PDE4D: variants seen among roughly 807,000 people sequenced by gnomAD.
PDE4D encodes phosphodiesterase 4D.
A neutral mutation model predicts 87.4 loss-of-function variants in PDE4D; 24 were observed. The ratio of observed to expected loss-of-function variants is 0.27; its 90% CI spans 0.20 to 0.39. The LOEUF (loss-of-function observed/expected upper bound fraction) is 0.39. Ranked by LOEUF, PDE4D falls within the 10% of genes least tolerant of loss-of-function variation. PDE4D has a pLI of 1.00. For synonymous variants in PDE4D, 384 were observed against 383.2 expected, an observed-to-expected ratio of 1.00 and a Z score of -0.02; for missense variants, 714 against 1,041.0, an observed-to-expected ratio of 0.69 and a Z score of 4.32.
chr5:60,336,900 G>T (rs1008703355), intron 1 of PDE4D, among the ~76,000 whole-genome samples: 1 of 152,074 alleles, frequency 6.6e-6, no homozygotes, highest in Non-Finnish European at 1.5e-5. Context: ...ATAAATACAT[G>T]TTATTTTAAT....
Position 60,041,971 on chromosome 5 carries a change from T to C in PDE4D, c.43-53254A>G, listed in dbSNP as rs553610063. Among the ~76,000 whole-genome samples, 178 of 151,230 alleles carry C rather than the reference T, an allele frequency of 1.2e-3. 1 individual carries two copies. The highest frequency in any genetic ancestry group is 4.1e-3 in the African/African-American group (170 of 41,110). On this transcript the variant is annotated intron_variant, in intron 2 of 16. Transcript: ENST00000502484. ...AGTGAGACAGAACCATTCACAACTG[T>C]GGAAAGGGGGCTGAAACCAAGGAGC...
chr5:60,087,997 C>G (rs984215654), intron 2 of PDE4D, among the ~76,000 whole-genome samples: 2 of 151,964 alleles, frequency 1.3e-5, no homozygotes, highest in African/African-American at 2.4e-5. Flanking sequence ...ATACTTTAAG[C>G]AGCAAGAGAA....
At chr5:59,668,672 C>T (rs1388528623) in intron 1 of PDE4D, among the ~76,000 whole-genome samples, 2 of 150,900 alleles carry the variant, frequency 1.3e-5, no homozygotes, top group Admixed American at 1.3e-4. Context: ...TGCACCACTG[C>T]ACTCCAGCCT....
upstream of PDE4D, chr5:60,488,404 C>G (rs1304509949): frequency 3.3e-5 from 5 of 151,832 alleles, no homozygotes; most frequent in Non-Finnish European, 7.4e-5. Flanking sequence ...AAAGGGCAGG[C>G]ACGGCAGCAA....
At chr5:60,279,908 C>T (rs112970543) in intron 1 of PDE4D, among the ~76,000 whole-genome samples, 4,984 of 152,002 alleles carry the variant, frequency 0.033, 126 homozygotes, top group Middle Eastern at 0.086. Flanking sequence ...TCTTGAACTC[C>T]TGACCTGATG....
chr5:59,220,618 G>A (rs1454762014), intron 1 of PDE4D, among the ~76,000 whole-genome samples: 1 of 151,998 alleles, frequency 6.6e-6, no homozygotes, highest in African/African-American at 2.4e-5. Flanking sequence ...TTAACTTTCT[G>A]AAAGTTAGCC....
chr5:59,692,724 C>A (rs1254090723), intron 1 of PDE4D, among the ~76,000 whole-genome samples: 1 of 152,086 alleles, frequency 6.6e-6, no homozygotes, highest in Non-Finnish European at 1.5e-5. Context: ...AAATGCATCG[C>A]TTTAGCTTGT....
At chr5:59,922,244 G>C (rs1754754280) in intron 3 of PDE4D, among the ~76,000 whole-genome samples, 1 of 152,172 alleles carries the variant, frequency 6.6e-6, no homozygotes, top group South Asian at 2.1e-4. Flanking sequence ...AGTGTTCTGG[G>C]GTACTAAATA....
chr5:59,693,478 A>T (rs1751294356), intron 1 of PDE4D, among the ~76,000 whole-genome samples: 1 of 152,186 alleles, frequency 6.6e-6, no homozygotes, highest in Non-Finnish European at 1.5e-5. Context: ...TTGTTTCAAG[A>T]TCAAACTGGA....
intron 1 of PDE4D, among the ~76,000 whole-genome samples, chr5:59,359,601 GA>G (rs1324686309): frequency 6.6e-6 from 1 of 151,886 alleles, no homozygotes; most frequent in African/African-American, 2.4e-5. Flanking sequence ...TAGACATTTG[GA>G]AAAAATAAGA....
At chr5:59,120,785 C>T (rs921378059) in intron 5 of PDE4D, among the ~76,000 whole-genome samples, 2 of 151,944 alleles carry the variant, frequency 1.3e-5, no homozygotes, top group South Asian at 2.1e-4. Context: ...TATGTTACAA[C>T]GCTATAGTAA....
rs1251200496 is a variant in PDE4D at position 59,397,870 on chromosome 5, T to C, written c.456-181902A>G. On this transcript the variant is annotated intron_variant, in intron 1 of 14. Transcript: ENST00000340635. ...AAGAAAAAAAGAGAGAAGAATCAAA[T>C]AGATGCAATAAAAAATGATAAAGGG... 1.6e-4 allele frequency among the ~76,000 whole-genome samples: 20 copies of C among 122,248 alleles called. 2 individuals carry two copies. Among genetic ancestry groups the C allele is most frequent in the African/African-American group, 6.6e-4 (20 of 30,462 alleles). 80.2% of individuals were successfully genotyped at this position (122,248 alleles called of 152,430 possible). A position where few individuals can be genotyped will look rare whatever the true frequency, so the allele number is the denominator to read the frequency against.
At chr5:60,496,075 C>T (rs912432302) in intron 1 of PDE4D, among the ~76,000 whole-genome samples, 1 of 152,142 alleles carries the variant, frequency 6.6e-6, no homozygotes, top group Non-Finnish European at 1.5e-5. Flanking sequence ...TGAGTCTTGG[C>T]TATTTCCTTT....
chr5:59,212,642 G>A (rs1750335996), intron 2 of PDE4D, among the ~76,000 whole-genome samples: 1 of 151,918 alleles, frequency 6.6e-6, no homozygotes, highest in South Asian at 2.1e-4. Context: ...ACTAACTGGA[G>A]TAGAATGTAT....
intron 1 of PDE4D, among the ~76,000 whole-genome samples, chr5:59,659,658 C>A (rs563327234): frequency 6.6e-6 from 1 of 152,242 alleles, no homozygotes; most frequent in Non-Finnish European, 1.5e-5. Context: ...TGTCCAGCTA[C>A]AGTAACATCT....
At chr5:60,494,438 T>C (rs1749703191) in intron 1 of PDE4D, among the ~76,000 whole-genome samples, 2 of 152,194 alleles carry the variant, frequency 1.3e-5, no homozygotes, top group African/African-American at 4.8e-5. Context: ...TATTCAGCAC[T>C]GGACATTCAC....
At chr5:59,822,355 T>C (rs549513981) in intron 1 of PDE4D, among the ~76,000 whole-genome samples, 5 of 152,348 alleles carry the variant, frequency 3.3e-5, no homozygotes, top group African/African-American at 1.2e-4. Flanking sequence ...TTGTTTTCTA[T>C]ATACTTTTCA....
chr5:59,232,699 T>G (rs947007615), intron 1 of PDE4D, among the ~76,000 whole-genome samples: 3 of 152,164 alleles, frequency 2.0e-5, no homozygotes, highest in Non-Finnish European at 2.9e-5. Flanking sequence ...AAAGGAAATC[T>G]GTATATCAAA....
chr5:59,439,357 CAAAAAA>C (rs3061710), intron 1 of PDE4D, among the ~76,000 whole-genome samples: 3 of 72,580 alleles, frequency 4.1e-5, no homozygotes, highest in African/African-American at 1.3e-4. Context: ...AAGACTCTGT[CAAAAAA>C]AAAAAAAAAA....
Sources: allele counts gnomAD v4.1 joint callset (sites outside exome capture counted in the v4.1 genomes callset), GRCh38; gene constraint gnomAD v4.1.1; transcripts MANE v1.5; gene names NCBI Gene and HGNC (gene_info 2026-07-23, HGNC 2026-07-21).